Variants in THADA observed in about 807,000 individuals in gnomAD.
THADA encodes THADA armadillo repeat containing.
In THADA, 213 loss-of-function variants were observed where a neutral mutation model predicts 219.8. The ratio of observed to expected loss-of-function variants is 0.97; its 90% CI spans 0.87 to 1.09. The LOEUF (loss-of-function observed/expected upper bound fraction) is 1.09. THADA is among the 50% of genes least tolerant of loss of function. The pLI is 0.00. For synonymous variants in THADA, 1,018 were observed against 828.9 expected (o/e 1.23, Z -3.92); for missense variants, 2,956 against 2,311.3 (o/e 1.28, Z -5.72).
intron 31 of THADA, among the ~76,000 whole-genome samples, chr2:43,298,498 A>T (rs556869369): frequency 5.2e-4 from 74 of 142,278 alleles, no homozygotes; most frequent in Admixed American, 8.5e-4. Flanking sequence ...AAAACCAGAG[A>T]CCTTTGTTCA....
At chr2:43,447,115 T>C (rs1464981699) in intron 26 of THADA, among the ~76,000 whole-genome samples, 2 of 152,100 alleles carry the variant, frequency 1.3e-5, no homozygotes, top group Non-Finnish European at 2.9e-5. Context: ...AAGACACCTC[T>C]TCACAGGGCA....
At chr2:43,476,066 C>T (rs967131562) in intron 26 of THADA, among the ~76,000 whole-genome samples, 1 of 152,080 alleles carries the variant, frequency 6.6e-6, no homozygotes, top group Admixed American at 6.5e-5. Context: ...TCGGGGAGGA[C>T]CAGCACCAAC....
intron 16 of THADA, among the ~76,000 whole-genome samples, chr2:43,559,595 G>A (rs911342446): frequency 6.6e-6 from 1 of 152,166 alleles, no homozygotes; most frequent in Non-Finnish European, 1.5e-5. Context: ...AAGAGCCAGG[G>A]TCTGGAAGTC....
chr2:43,560,952 G>C lies in THADA; in HGVS notation c.2312-567C>G, dbSNP rs1028708252. Among the ~76,000 whole-genome samples, 6 of 147,596 alleles carry C rather than the reference G, an allele frequency of 4.1e-5. No individual in the cohort carries two copies. In the Admixed American group the frequency reaches 4.2e-4, roughly 10 times the overall value. The stretch of plus-strand genomic sequence containing the variant: ...GAATCGCTCGAGGCCAGGAGACGGA[G>C]ATTGCAGTGAGCTGAGCTCATGTCA... On this transcript the variant is annotated intron_variant, in intron 15 of 37. Coordinates refer to ENST00000405975, the MANE Select transcript of THADA (RefSeq NM_022065.5).
chr2:43,436,467 C>G (rs1680125503), intron 26 of THADA, among the ~76,000 whole-genome samples: 1 of 152,162 alleles, frequency 6.6e-6, no homozygotes, highest in Non-Finnish European at 1.5e-5. Context: ...ACCTGAAGCA[C>G]AATTTGATTG....
intron 24 of THADA, 62 bp from the exon 25 acceptor site, chr2:43,499,017 C>T: frequency 2.0e-6 from 3 of 1,525,062 alleles, no homozygotes; most frequent in South Asian, 2.5e-5. Flanking sequence ...TAAATCTACA[C>T]ATATCCAATA....
intron 26 of THADA, among the ~76,000 whole-genome samples, chr2:43,460,409 A>G (rs1041059961): frequency 2.6e-5 from 4 of 152,092 alleles, no homozygotes; most frequent in African/African-American, 9.7e-5. Flanking sequence ...AAGATTTGGA[A>G]AATACATTTT....
At chr2:43,254,583 A>C (rs564970604) in intron 36 of THADA, among the ~76,000 whole-genome samples, 2 of 152,186 alleles carry the variant, frequency 1.3e-5, no homozygotes, top group South Asian at 4.2e-4. Context: ...TTTCCTGAAC[A>C]GGCCTCATAC....
chr2:43,580,193 G>GT (rs112438660), intron 8 of THADA, among the ~76,000 whole-genome samples: 55,605 of 148,996 alleles, frequency 0.37, 10,831 homozygotes, highest in African/African-American at 0.49. Context: ...CCCAGCTAAT[G>GT]TTTTTTTTTG....
At chr2:43,297,399 G>A (rs1675579784) in intron 31 of THADA, among the ~76,000 whole-genome samples, 1 of 101,586 alleles carries the variant, frequency 9.8e-6, no homozygotes, top group East Asian at 2.3e-4. Context: ...CCCCATCTGG[G>A]AAGTGAGGAG....
chr2:43,397,918 C>T (rs1351135214), intron 29 of THADA, 53 bp downstream of exon 29: 1 of 1,585,966 alleles, frequency 6.3e-7, no homozygotes, highest in African/African-American at 1.3e-5. Flanking sequence ...CATAAGAAAC[C>T]AAAGTTCATC....
chr2:43,530,880 A>G (rs1217321132), intron 21 of THADA, among the ~76,000 whole-genome samples: 1 of 152,228 alleles, frequency 6.6e-6, no homozygotes, highest in East Asian at 1.9e-4. Flanking sequence ...CACAGAAAAC[A>G]GATTGATGTT....
chr2:43,530,003 A>C (rs1416376370), intron 21 of THADA, among the ~76,000 whole-genome samples: 3 of 152,202 alleles, frequency 2.0e-5, no homozygotes, highest in Non-Finnish European at 4.4e-5. Context: ...ATGAGTTCTG[A>C]CTAGGGTTCT....
intron 25 of THADA, among the ~76,000 whole-genome samples, chr2:43,490,944 TG>T (rs1687559868): frequency 6.6e-6 from 1 of 152,176 alleles, no homozygotes; most frequent in African/African-American, 2.4e-5. Flanking sequence ...TTTAGAATTC[TG>T]TAAGTTATAC....
intron 29 of THADA, among the ~76,000 whole-genome samples, chr2:43,365,722 T>A (rs1670067365): frequency 1.3e-5 from 2 of 152,026 alleles, no homozygotes; most frequent in African/African-American, 4.8e-5. Context: ...ACCAGTAGAT[T>A]AGAAGGCAAG....
intron 36 of THADA, among the ~76,000 whole-genome samples, chr2:43,273,656 A>T (rs1672389419): frequency 6.6e-6 from 1 of 152,142 alleles, no homozygotes; most frequent in Admixed American, 6.5e-5. Context: ...GGGCAGCCTT[A>T]GAGGTTCCAG....
rs373565802 is a variant in THADA at position 43,461,604 on chromosome 2, G to C, written c.3836+23630C>G. Among the ~76,000 whole-genome samples, 27 of 152,292 alleles carry C rather than the reference G, an allele frequency of 1.8e-4. No homozygotes were observed. In the East Asian group the frequency reaches 3.1e-3, roughly 17 times the overall value. ...GTTCAGAAAATTTAATTATAGGTTT[G>C]AGCCCTGGATGAATGCAAAATGAAA... On this transcript the variant is annotated intron_variant, in intron 26 of 37. Coordinates refer to ENST00000405975, the MANE Select transcript of THADA (RefSeq NM_022065.5).
chr2:43,333,984 T>C lies in THADA; in HGVS notation c.4343+10138A>G, dbSNP rs113530132. Among the ~76,000 whole-genome samples, 528 of 151,912 alleles carry C rather than the reference T, an allele frequency of 3.5e-3. 3 individuals carry two copies. Among genetic ancestry groups the C allele is most frequent in the African/African-American group, 0.013 (516 of 41,194 alleles). On this transcript the variant is annotated intron_variant, in intron 30 of 37. Coordinates refer to ENST00000405975, the MANE Select transcript of THADA (RefSeq NM_022065.5). The stretch of plus-strand genomic sequence containing the variant: ...ATAAATTTGGTGGTGAGAAAATAAA[T>C]GCTGTTTTCAGCTGTTGTAAAGCAA...
intron 36 of THADA, among the ~76,000 whole-genome samples, chr2:43,260,214 G>C (rs1327162237): frequency 4.6e-5 from 7 of 152,176 alleles, no homozygotes; most frequent in African/African-American, 1.7e-4. Context: ...GATCACAAGT[G>C]GGAGCCACCA....
Sources: allele counts gnomAD v4.1 joint callset (sites outside exome capture counted in the v4.1 genomes callset), GRCh38; gene constraint gnomAD v4.1.1; transcripts MANE v1.5; gene names NCBI Gene and HGNC (gene_info 2026-07-23, HGNC 2026-07-21).